TRAF3IP1: variants seen among roughly 807,000 people sequenced by gnomAD.
The protein encoded by TRAF3IP1 is intraflagellar transport 54, also known as TRAF3-interacting protein 1.
A neutral mutation model predicts 89.9 loss-of-function variants in TRAF3IP1; 53 were observed. That is an observed-to-expected ratio of 0.59 (90% CI 0.47 to 0.74). The LOEUF (loss-of-function observed/expected upper bound fraction) is 0.74. TRAF3IP1 is among the 30% of genes least tolerant of loss of function. TRAF3IP1 has a pLI of 0.00. For missense variants in TRAF3IP1, 806 were observed against 866.1 expected (o/e 0.93, Z 0.87); for synonymous variants, 311 against 322.1 (o/e 0.97, Z 0.37).
At position 238,333,959 on chromosome 2, in the gene TRAF3IP1, G is replaced by C. The variant is rs372499275; in HGVS notation, c.988-1G>C. On this transcript the variant is annotated splice_acceptor_variant, in intron 6 of 16. Transcript: ENST00000373327. LOFTEE classifies it high-confidence loss of function. The stretch of plus-strand genomic sequence containing the variant: ...TTTCTTTTCATTCTTTTTTCTTTAA[G>C]ACTGAGATTTCCACTAGAGCTTCCA... 28 of 1,602,834 alleles carry C rather than the reference G, an allele frequency of 1.7e-5. No homozygotes were observed. The highest frequency in any genetic ancestry group is 2.4e-5 in the Non-Finnish European group (28 of 1,174,492).
At position 238,379,937 on chromosome 2, in the gene TRAF3IP1, C is replaced by T. The variant is rs1372985733; in HGVS notation, c.1690-17522C>T. On this transcript the variant is annotated intron_variant, in intron 15 of 16. Transcript: ENST00000373327. The surrounding 1 kb of genome is among the most constrained non-coding windows in gnomAD (Gnocchi z 4.0). ...ATAATTGAATAATCACCTCACTGGC[C>T]ATTTCCAGCATTGATGGAGAAAGAC... Among the ~76,000 whole-genome samples, 7 of 152,178 alleles carry T rather than the reference C, an allele frequency of 4.6e-5. No individual in the cohort carries two copies. Among genetic ancestry groups the T allele is most frequent in the Admixed American group, 4.6e-4 (7 of 15,284 alleles).
intron 15 of TRAF3IP1, among the ~76,000 whole-genome samples, chr2:238,385,042 C>G (rs1417550931): frequency 2.6e-5 from 4 of 151,514 alleles, no homozygotes; most frequent in African/African-American, 9.7e-5. Context: ...TTGAGATGGA[C>G]TCTCGCTCTG....
chr2:238,321,631 A>G (rs1015211942), intron 1 of TRAF3IP1, among the ~76,000 whole-genome samples: 1 of 152,164 alleles, frequency 6.6e-6, no homozygotes, highest in Non-Finnish European at 1.5e-5. Context: ...GTACATAGAA[A>G]TTGCACAACA....
At chr2:238,333,846 C>T in intron 6 of TRAF3IP1, 114 bp from the exon 7 acceptor site, 1 of 848,110 alleles carries the variant, frequency 1.2e-6, no homozygotes, top group Non-Finnish European at 1.9e-6. Flanking sequence ...CATATGGGCA[C>T]TATTGCTGGA....
At chr2:238,392,352 A>G (rs1408698705) in intron 15 of TRAF3IP1, among the ~76,000 whole-genome samples, 1 of 152,076 alleles carries the variant, frequency 6.6e-6, no homozygotes, top group Non-Finnish European at 1.5e-5. Flanking sequence ...TATCACCTCA[A>G]AGATCCCTCT....
At chr2:238,366,918 C>T (rs1015146773) in intron 15 of TRAF3IP1, among the ~76,000 whole-genome samples, 1 of 151,764 alleles carries the variant, frequency 6.6e-6, no homozygotes, top group Non-Finnish European at 1.5e-5. Flanking sequence ...AATCCCAGCC[C>T]TTTGGGAGGC....
rs2106363291 is a variant in TRAF3IP1 at position 238,328,723 on chromosome 2, G to C, written c.392G>C (p.Gly131Ala). ...SDDAVRRVLA[G>A]EKGEVKGRAS... ...GATGCGGTGCGGAGGGTTTTAGCTG[G>C]AGAGAAGGGAGAAGTGAAAGGCCGG... is the stretch of plus-strand genomic sequence containing the variant. Residue 131 changes from glycine to alanine, a missense_variant, in exon 4 of 17, where the codon GGA becomes GCA. This residue lies in a region of TRAF3IP1 where 732 missense variants were observed against 780.5 expected (regional missense o/e 0.94). Coordinates refer to ENST00000373327, the MANE Select transcript of TRAF3IP1 (RefSeq NM_015650.4). The C allele has an allele frequency of 6.2e-7, 1 of 1,613,968 alleles. No homozygotes were observed. The highest frequency in any genetic ancestry group is 8.5e-7 in the Non-Finnish European group (1 of 1,179,962).
intron 10 of TRAF3IP1, among the ~76,000 whole-genome samples, chr2:238,348,319 A>G (rs1698994899): frequency 6.6e-6 from 1 of 152,220 alleles, no homozygotes; most frequent in Non-Finnish European, 1.5e-5. Context: ...ATTGTTAGAT[A>G]TATTACTGTA....
intron 12 of TRAF3IP1, 136 bp from the exon 13 acceptor site, chr2:238,352,691 G>A (rs925334279): frequency 2.2e-5 from 19 of 846,144 alleles, no homozygotes; most frequent in Non-Finnish European, 3.1e-5. Flanking sequence ...TAGCTTCAGC[G>A]GGTAGCTTGA....
At chr2:238,380,586 T>C (rs1700505445) in intron 15 of TRAF3IP1, among the ~76,000 whole-genome samples, 1 of 152,148 alleles carries the variant, frequency 6.6e-6, no homozygotes, top group African/African-American at 2.4e-5. Flanking sequence ...GTGGATGGAC[T>C]TGGAGGCTTG....
rs1701369613 is a variant in TRAF3IP1 at position 238,399,207 on chromosome 2, C to T, written c.*288C>T. ...CCTGTTCTTTGTGTTTCTGCTGTAA[C>T]CTGTTTAGTTCTGTACCAGAACTCT... On this transcript the variant is annotated 3_prime_UTR_variant, in exon 17 of 17. Transcript: ENST00000373327. The T allele has an allele frequency of 3.4e-6, 1 of 290,162 alleles. No individual in the cohort carries two copies. Among genetic ancestry groups the T allele is most frequent in the African/African-American group, 2.2e-5 (1 of 45,336 alleles). The allele number at this position is 290,162 out of a possible 1,614,324, so 18.0% of individuals were successfully genotyped here. A position where few individuals can be genotyped will look rare whatever the true frequency, so the allele number is the denominator to read the frequency against.
intron 14 of TRAF3IP1, 151 bp downstream of exon 14, chr2:238,353,360 G>A (rs1699260573): frequency 1.3e-6 from 1 of 747,618 alleles, no homozygotes. Flanking sequence ...GTGGTACATA[G>A]GACCCTGCGG....
chr2:238,381,402 G>T (rs1700545149), intron 15 of TRAF3IP1, among the ~76,000 whole-genome samples: 2 of 152,230 alleles, frequency 1.3e-5, no homozygotes. Context: ...CCATAGGCAT[G>T]GGTGGCGGGT....
intron 3 of TRAF3IP1, among the ~76,000 whole-genome samples, chr2:238,326,764 T>C (rs1697855385): frequency 6.6e-6 from 1 of 152,072 alleles, no homozygotes; most frequent in Admixed American, 6.5e-5. Context: ...GTGACCCAAA[T>C]GGGAACAGGT....
rs146217096 is a variant in TRAF3IP1, at chr2:238,364,550, A to C, written c.1689+8470A>C. ...TGGCCAACAGTTTTGAAGACTGTTC[A>C]CTCACTTTAAAGTATTTAAATATTT... On this transcript the variant is annotated intron_variant, in intron 15 of 16. Coordinates refer to ENST00000373327, the MANE Select transcript of TRAF3IP1 (RefSeq NM_015650.4). Among the ~76,000 whole-genome samples the C allele has an allele frequency of 4.7e-3, 713 of 152,108 alleles. 4 individuals carry two copies. The highest frequency in any genetic ancestry group is 0.016 in the African/African-American group (682 of 41,514).
At chr2:238,370,217 GTGTA>G (rs1487701053) in intron 15 of TRAF3IP1, among the ~76,000 whole-genome samples, 11 of 151,962 alleles carry the variant, frequency 7.2e-5, no homozygotes, top group African/African-American at 2.7e-4. Context: ...ATATGTGAAC[GTGTA>G]TGTGTGTCTG....
At position 238,361,049 on chromosome 2, in the gene TRAF3IP1, C is replaced by CTT. The variant is rs369769728; in HGVS notation, c.1689+4982_1689+4983dup. On this transcript the variant is annotated intron_variant, in intron 15 of 16. Coordinates refer to ENST00000373327, the MANE Select transcript of TRAF3IP1 (RefSeq NM_015650.4). Reference sequence around the variant, plus strand: ...TGACTTTGCCTTTTTATTTAAAAAACTTTTTTTTTTTTTTGAAACAGAGTC... The same window carrying CTT: ...TGACTTTGCCTTTTTATTTAAAAAACTTTTTTTTTTTTTTTTGAAACAGAGTC... Among the ~76,000 whole-genome samples the CTT allele has an allele frequency of 1.0e-3, 144 of 143,478 alleles. 1 individual carries two copies. Among genetic ancestry groups the CTT allele is most frequent in the African/African-American group, 3.4e-3 (135 of 39,420 alleles). 94.1% of individuals were successfully genotyped at this position (143,478 alleles called of 152,430 possible). A position where few individuals can be genotyped will look rare whatever the true frequency, so the allele number is the denominator to read the frequency against.
At chr2:238,347,630 A>G (rs1698954037) in intron 10 of TRAF3IP1, among the ~76,000 whole-genome samples, 155 bp downstream of exon 10, 1 of 152,038 alleles carries the variant, frequency 6.6e-6, no homozygotes, top group Non-Finnish European at 1.5e-5. Context: ...GTATTTATTT[A>G]TTTATTTATT....
chr2:238,381,382 T>G (rs2106364648), intron 15 of TRAF3IP1, among the ~76,000 whole-genome samples: 1 of 152,298 alleles, frequency 6.6e-6, no homozygotes, highest in East Asian at 1.9e-4. Flanking sequence ...ACTGACACCC[T>G]TGGAGGGGGC....
Sources: gnomAD v4.1 joint callset for allele counts (sites outside exome capture counted in the v4.1 genomes callset) on GRCh38, gnomAD v4.1.1 for gene constraint, gnomAD v4.1.1 regional missense constraint, Gnocchi (gnomAD v3.1) non-coding constraint, MANE v1.5 for transcripts, NCBI Gene and HGNC (gene_info 2026-07-23, HGNC 2026-07-21) for gene names.